The following ROBO1 variants were observed in gnomAD, a reference collection of about 807,000 sequenced individuals.
ROBO1 encodes roundabout guidance receptor 1, also known as roundabout homolog 1.
A neutral mutation model predicts 195.9 loss-of-function variants in ROBO1; 149 were observed. That is an observed-to-expected ratio of 0.76 (90% confidence interval 0.67 to 0.87). The LOEUF is 0.87. ROBO1 is among the 40% of genes least tolerant of loss of function. ROBO1 has a pLI of 0.00. For missense variants in ROBO1, 1,933 were observed against 2,068.3 expected (o/e 0.93, Z 1.27); for synonymous variants, 816 against 733.2 (o/e 1.11, Z -1.82).
intron 2 of ROBO1, among the ~76,000 whole-genome samples, chr3:79,495,246 C>T (rs1400500968): frequency 6.6e-6 from 1 of 152,000 alleles, no homozygotes; most frequent in Non-Finnish European, 1.5e-5. Context: ...CAATTCTTAC[C>T]TATCAGAATT....
intron 4 of ROBO1, among the ~76,000 whole-genome samples, chr3:78,811,557 T>C (rs2084740633): frequency 6.6e-6 from 1 of 152,102 alleles, no homozygotes; most frequent in South Asian, 2.1e-4. Flanking sequence ...GCCCTGAAAA[T>C]AGAATCCATG....
intron 2 of ROBO1, among the ~76,000 whole-genome samples, chr3:79,211,636 G>A (rs1278731178): frequency 1.3e-5 from 2 of 152,182 alleles, no homozygotes; most frequent in South Asian, 2.1e-4. Flanking sequence ...GGGGATGGAC[G>A]TGTCAGGTAA....
chr3:79,303,060 A>C (rs2033041141), intron 2 of ROBO1, among the ~76,000 whole-genome samples: 1 of 151,932 alleles, frequency 6.6e-6, no homozygotes, highest in African/African-American at 2.4e-5. Flanking sequence ...TGATAGATAT[A>C]ATTGTATGTA....
intron 5 of ROBO1, 58 bp downstream of exon 5, chr3:78,746,685 G>T: frequency 7.7e-7 from 1 of 1,297,932 alleles, no homozygotes; most frequent in Non-Finnish European, 1.0e-6. Context: ...TTTTTCTTTG[G>T]TAAAGATACA....
chr3:78,697,953 T>C (rs1159601292), intron 8 of ROBO1, among the ~76,000 whole-genome samples: 1 of 152,066 alleles, frequency 6.6e-6, no homozygotes, highest in Admixed American at 6.6e-5. Context: ...TATGAAATCA[T>C]CTCGACTATG....
At chr3:79,656,240 C>CT (rs529533969) in intron 1 of ROBO1, among the ~76,000 whole-genome samples, 313 of 141,610 alleles carry the variant, frequency 2.2e-3, no homozygotes, top group African/African-American at 4.9e-3. Context: ...GGTATTTTTG[C>CT]TTTTTTTTTT....
At chr3:79,349,681 T>C (rs1306227506) in intron 2 of ROBO1, among the ~76,000 whole-genome samples, 3 of 152,154 alleles carry the variant, frequency 2.0e-5, no homozygotes, top group Non-Finnish European at 4.4e-5. Context: ...GTCAACTGAT[T>C]TTCAACAAGG....
At chr3:79,689,477 C>G (rs998348145) in intron 1 of ROBO1, among the ~76,000 whole-genome samples, 6 of 151,764 alleles carry the variant, frequency 4.0e-5, no homozygotes, top group Admixed American at 2.6e-4. Context: ...TTTTGCTATA[C>G]GAGGCTGCTT....
chr3:78,963,311 A>G (rs992036084), intron 3 of ROBO1, among the ~76,000 whole-genome samples: 5 of 151,902 alleles, frequency 3.3e-5, no homozygotes, highest in Non-Finnish European at 7.4e-5. Flanking sequence ...AGAAAAGACA[A>G]TCAAAAGTTA....
intron 3 of ROBO1, among the ~76,000 whole-genome samples, chr3:79,058,077 G>C (rs1247093684): frequency 2.0e-5 from 3 of 151,964 alleles, no homozygotes; most frequent in African/African-American, 7.2e-5. Context: ...AAATGAAAGG[G>C]GGAGTAATGG....
At chr3:79,283,798 C>T (rs969230452) in intron 2 of ROBO1, among the ~76,000 whole-genome samples, 1 of 151,100 alleles carries the variant, frequency 6.6e-6, no homozygotes, top group Admixed American at 6.6e-5. Flanking sequence ...CCCGGGTTCA[C>T]GCCATTCTCC....
At chr3:79,445,865 T>G (rs1026714921) in intron 2 of ROBO1, among the ~76,000 whole-genome samples, 1 of 151,954 alleles carries the variant, frequency 6.6e-6, no homozygotes. Context: ...TGTTAGCCAG[T>G]ATGGTCGCGA....
chr3:79,745,526 T>A (rs1277816601), intron 1 of ROBO1, among the ~76,000 whole-genome samples: 1 of 152,204 alleles, frequency 6.6e-6, no homozygotes, highest in East Asian at 1.9e-4. Context: ...TCATAAGGAA[T>A]GTGGAGCCAG....
At position 79,411,157 on chromosome 3, in the gene ROBO1, C is replaced by T. The variant is rs749249061; in HGVS notation, c.88+178667G>A. ...TAAAGTTCTAAGCTTTACACACGCA[C>T]GCACATTTCCACCTGTGATGACCTA... On this transcript the variant is annotated intron_variant, in intron 2 of 30. Coordinates refer to ENST00000464233, the MANE Select transcript of ROBO1 (RefSeq NM_002941.4). Among the ~76,000 whole-genome samples, 271 of 152,214 alleles carry T rather than the reference C, an allele frequency of 1.8e-3. 3 individuals are homozygous for T. The highest frequency in any genetic ancestry group is 2.6e-4 in the Non-Finnish European group (18 of 68,008).
At position 79,694,206 on chromosome 3, in the gene ROBO1, G is replaced by A. The variant is rs548903437; in HGVS notation, c.-51+73546C>T. 7.2e-4 allele frequency among the ~76,000 whole-genome samples: 109 copies of A among 151,860 alleles called. 1 individual carries two copies. The highest frequency in any genetic ancestry group is 3.5e-4 in the Non-Finnish European group (24 of 67,838). ...ACAAATGCATTCTAGTTATATAAAT[G>A]TAATACAAATTCCTTACAGAAACAC... On this transcript the variant is annotated intron_variant, in intron 1 of 30. Transcript: ENST00000464233.
chr3:78,777,807 C>A (rs1445811067), intron 4 of ROBO1, among the ~76,000 whole-genome samples: 2 of 152,172 alleles, frequency 1.3e-5, no homozygotes, highest in African/African-American at 4.8e-5. Flanking sequence ...TCCTCTCTTA[C>A]TATTTGAATA....
intron 29 of ROBO1, among the ~76,000 whole-genome samples, chr3:78,601,577 A>G (rs370956315): frequency 9.2e-5 from 14 of 152,110 alleles, no homozygotes; most frequent in Admixed American, 3.9e-4. Flanking sequence ...GTTTTCTCAA[A>G]CTACAATATG....
intron 4 of ROBO1, among the ~76,000 whole-genome samples, chr3:78,857,613 C>G (rs545380665): frequency 2.0e-5 from 3 of 152,208 alleles, no homozygotes; most frequent in Non-Finnish European, 4.4e-5. Flanking sequence ...TTTCGAAAGG[C>G]AAACTCTCAG....
chr3:79,655,672 G>C (rs1946136733), intron 1 of ROBO1, among the ~76,000 whole-genome samples: 2 of 151,996 alleles, frequency 1.3e-5, no homozygotes, highest in Non-Finnish European at 2.9e-5. Flanking sequence ...GAATAGCAAA[G>C]CTAATTGGGA....
Sources: gnomAD v4.1 joint callset for allele counts (sites outside exome capture counted in the v4.1 genomes callset) on GRCh38, gnomAD v4.1.1 for gene constraint, MANE v1.5 for transcripts, NCBI Gene and HGNC (gene_info 2026-07-23, HGNC 2026-07-21) for gene names.